The following FRMPD3 variants were observed in gnomAD, a reference collection of about 807,000 sequenced individuals.
FRMPD3 encodes FERM and PDZ domain containing 3, also known as FERM and PDZ domain-containing protein 3.
FRMPD3 carries 42 observed loss-of-function variants against 97.9 expected under a neutral mutation model. That is an observed-to-expected ratio of 0.43 (90% CI 0.34 to 0.55). The LOEUF is 0.55. Among genes scored for constraint, FRMPD3 ranks in the 20% least tolerant of loss-of-function variants. The probability of loss-of-function intolerance (pLI) is 0.03; values close to 1 mark genes in which losing one functional copy is unlikely to be tolerated. For synonymous variants in FRMPD3, 577 were observed against 581.1 expected, an observed-to-expected ratio of 0.99 and a Z score of 0.10; for missense variants, 1,303 against 1,457.7, an observed-to-expected ratio of 0.89 and a Z score of 1.73.
At chrX:107,456,834 T>C (rs1254122333) in intron 1 of FRMPD3, among the ~76,000 whole-genome samples, 1 of 112,251 alleles carries the variant, frequency 8.9e-6, no homozygotes, top group East Asian at 2.8e-4. Context: ...CTATCCCCTA[T>C]ATTTTCTATA....
At position 107,564,913 on chromosome X, in the gene FRMPD3, C is replaced by T. The variant is rs370791419; in HGVS notation, c.1143C>T (p.Leu381=). 1.7e-5 allele frequency: 21 copies of T among 1,209,154 alleles called. No individual in the cohort carries two copies. The African/African-American group carries it at 3.1e-4, about 18-fold the overall frequency. The change falls in exon 12 of 15, where the codon CTC becomes CTT. Residue 381 remains leucine, a synonymous_variant. Transcript: ENST00000683843. ...ATGAGAAGCAGTCGGCCACCACGCT[C>T]CTGGTGGGACCCCGTCATGGCATCA... ...GLDEKQSATT[L]LVGPRHGISH... is the part of the protein sequence containing the mutation.
intron 1 of FRMPD3, among the ~76,000 whole-genome samples, chrX:107,462,560 A>G (rs1394870374): frequency 8.9e-6 from 1 of 112,136 alleles, no homozygotes; most frequent in African/African-American, 3.2e-5. Context: ...CCTGGAGAGA[A>G]GGGAATGCAC....
At chrX:107,566,381 A>C (rs913555317) in intron 12 of FRMPD3, among the ~76,000 whole-genome samples, 21 of 112,789 alleles carry the variant, frequency 1.9e-4, no homozygotes, top group African/African-American at 6.8e-4. Context: ...GATTCACAGG[A>C]TTCCCATTGG....
At chrX:107,496,937 C>T (rs1264427604) in intron 1 of FRMPD3, among the ~76,000 whole-genome samples, 3 of 112,057 alleles carry the variant, frequency 2.7e-5, no homozygotes, top group East Asian at 5.6e-4. Context: ...GTGGATTTAC[C>T]AGGGAGTTCA....
chrX:107,552,991 C>T, intron 7 of FRMPD3, 65 bp downstream of exon 7: 2 of 1,074,687 alleles, frequency 1.9e-6, no homozygotes, highest in Non-Finnish European at 2.5e-6. Context: ...CCAAGGCACT[C>T]CCTGTCTGGA....
At chrX:107,576,007 T>C (rs966812467) in intron 12 of FRMPD3, among the ~76,000 whole-genome samples, 2 of 112,154 alleles carry the variant, frequency 1.8e-5, no homozygotes, top group African/African-American at 3.2e-5. Flanking sequence ...TGCTGAGCCC[T>C]GGCAAACACA....
chrX:107,565,716 T>TAA (rs1305778612), intron 12 of FRMPD3, among the ~76,000 whole-genome samples: 1 of 103,344 alleles, frequency 9.7e-6, no homozygotes, highest in Non-Finnish European at 2.0e-5. Flanking sequence ...ATAAAATAAA[T>TAA]AAAAAGTAAT....
chrX:107,502,966 G>A (rs1302476390), intron 1 of FRMPD3, among the ~76,000 whole-genome samples: 1 of 111,489 alleles, frequency 9.0e-6, no homozygotes, highest in East Asian at 2.8e-4. Flanking sequence ...AGTAAGGAAT[G>A]TAAGATTTGA....
chrX:107,595,937 C>CAAAAA (rs377196495), intron 13 of FRMPD3, among the ~76,000 whole-genome samples: 4 of 51,533 alleles, frequency 7.8e-5, no homozygotes, highest in Non-Finnish European at 1.6e-4. Context: ...GACTCCGTCT[C>CAAAAA]AAAAAAAAAA....
At chrX:107,458,614 G>T (rs1931416090) in intron 1 of FRMPD3, among the ~76,000 whole-genome samples, 1 of 111,585 alleles carries the variant, frequency 9.0e-6, no homozygotes, top group African/African-American at 3.3e-5. Context: ...TAGAGGAGAG[G>T]GTGTATATGC....
Position 107,602,257 on chromosome X carries a change from C to G in FRMPD3, c.4218C>G (p.Ala1406=), listed in dbSNP as rs750759649. Residue 1406 remains alanine (A), a synonymous_variant, in exon 15 of 15, where the codon GCC becomes GCG. Coordinates refer to ENST00000683843, the MANE Select transcript of FRMPD3 (RefSeq NM_001388459.1). ...GTGAGCTGGACCAGGGTGACAGGGC[C>G]TCGCTGACCTCGGATGTCTACCCAC... ...SISELDQGDR[A]SLTSDVYPHP... is the part of the protein sequence containing the mutation. The G allele has an allele frequency of 9.4e-5, 113 of 1,206,527 alleles. No homozygotes were observed. The highest frequency in any genetic ancestry group is 1.2e-4 in the Non-Finnish European group (108 of 893,543).
At chrX:107,595,003 T>C (rs1924102169) in intron 13 of FRMPD3, among the ~76,000 whole-genome samples, 1 of 112,203 alleles carries the variant, frequency 8.9e-6, no homozygotes, top group Non-Finnish European at 1.9e-5. Flanking sequence ...GTGATTTTTT[T>C]CCTTGACAGC....
intron 1 of FRMPD3, among the ~76,000 whole-genome samples, chrX:107,504,182 G>A (rs1334516779): frequency 8.9e-6 from 1 of 112,820 alleles, no homozygotes; most frequent in Admixed American, 9.3e-5. Context: ...TGGGTGTGGA[G>A]TCTGTCTGTT....
chrX:107,531,893 G>T (rs1922984477), intron 3 of FRMPD3, among the ~76,000 whole-genome samples: 2 of 111,459 alleles, frequency 1.8e-5, no homozygotes, highest in Admixed American at 9.5e-5. Context: ...GCTCCTTCAG[G>T]GTTAAAGCAG....
At chrX:107,526,147 G>A (rs1266294140) in intron 1 of FRMPD3, among the ~76,000 whole-genome samples, 1 of 112,001 alleles carries the variant, frequency 8.9e-6, no homozygotes, top group East Asian at 2.8e-4. Flanking sequence ...CCATCTTCTG[G>A]AACAACTTTA....
At chrX:107,532,120 A>G (rs1284117795) in intron 3 of FRMPD3, among the ~76,000 whole-genome samples, 1 of 113,067 alleles carries the variant, frequency 8.8e-6, no homozygotes, top group African/African-American at 3.2e-5. Context: ...GATTATAAGT[A>G]GTTCTACAAC....
chrX:107,493,290 G>A (rs1304851808), intron 1 of FRMPD3, among the ~76,000 whole-genome samples: 5 of 109,243 alleles, frequency 4.6e-5, no homozygotes, highest in African/African-American at 1.7e-4. Flanking sequence ...CAAGTCTTCT[G>A]AATCTTGTAT....
intron 1 of FRMPD3, among the ~76,000 whole-genome samples, chrX:107,457,207 A>G (rs1376886578): frequency 3.6e-5 from 4 of 111,108 alleles, no homozygotes; most frequent in Non-Finnish European, 7.5e-5. Flanking sequence ...TCTCACAGTA[A>G]GAGGCCATCT....
chrX:107,599,267 TAAA>T (rs763839878), intron 14 of FRMPD3, among the ~76,000 whole-genome samples: 1,579 of 95,734 alleles, frequency 0.016, 12 homozygotes, highest in Non-Finnish European at 0.023. Flanking sequence ...AGTGAGACTC[TAAA>T]AAAAAAAAAG....
Sources: gnomAD v4.1 joint callset for allele counts (sites outside exome capture counted in the v4.1 genomes callset) on GRCh38, gnomAD v4.1.1 for gene constraint, MANE v1.5 for transcripts, NCBI Gene and HGNC (gene_info 2026-07-23, HGNC 2026-07-21) for gene names.